MYO1E: variants seen among roughly 807,000 people sequenced by gnomAD.
The protein encoded by MYO1E is myosin IE, also known as unconventional myosin-Ie.
In MYO1E, 68 loss-of-function variants were observed where a neutral mutation model predicts 151.1. The observed-to-expected ratio is 0.45, with a 90% confidence interval of 0.37 to 0.55. MYO1E has a LOEUF of 0.55. Ranked by LOEUF, MYO1E falls within the 20% of genes least tolerant of loss-of-function variation. The pLI, the probability that MYO1E is intolerant of heterozygous loss-of-function variation, is 0.00. For missense variants in MYO1E, 1,363 were observed against 1,389.3 expected (o/e 0.98, Z 0.30); for synonymous variants, 601 against 501.7 (o/e 1.20, Z -2.64).
Position 59,188,152 on chromosome 15 carries a change from C to G in MYO1E, c.1870G>C (p.Ala624Pro). The change falls in exon 18 of 28, where the codon GCC becomes CCC. Residue 624 changes from alanine to proline, a missense_variant. Ala to Pro is a conservative substitution (Grantham distance 27). Coordinates refer to ENST00000288235, the MANE Select transcript of MYO1E (RefSeq NM_004998.4). Reference sequence around the variant, plus strand: ...AATTTTTGGAAGATGCGCCGATAGGCATAGCCAGCTCTTCTCACTCGAATG... The same window carrying G: ...AATTTTTGGAAGATGCGCCGATAGGGATAGCCAGCTCTTCTCACTCGAATG... ...ENIRVRRAGYAYRRIFQKFLQ... is the reference protein window; with the variant it reads ...ENIRVRRAGYPYRRIFQKFLQ... 6.2e-7 allele frequency: 1 copy of G among 1,614,150 alleles called. No individual in the cohort carries two copies. Among genetic ancestry groups the G allele is most frequent in the Non-Finnish European group, 8.5e-7 (1 of 1,180,024 alleles).
At chr15:59,254,689 CA>C in intron 4 of MYO1E, among the ~76,000 whole-genome samples, 1 of 150,898 alleles carries the variant, frequency 6.6e-6, no homozygotes, top group African/African-American at 2.4e-5. Context: ...TTTTTTTTCC[CA>C]AAAATGTCTC....
Position 59,200,437 on chromosome 15 carries a change from A to G in MYO1E, c.1698+1889T>C, listed in dbSNP as rs150870527. Among the ~76,000 whole-genome samples, 111 of 152,262 alleles carry G rather than the reference A, an allele frequency of 7.3e-4. 1 individual carries two copies. Among genetic ancestry groups the G allele is most frequent in the African/African-American group, 2.6e-3 (107 of 41,556 alleles). Reference sequence around the variant, plus strand: ...ACCCAGGGACTGTCCTGAGGCTACTAAATGTCTCTAGTTCTTTCAACATGA... The same window carrying G: ...ACCCAGGGACTGTCCTGAGGCTACTGAATGTCTCTAGTTCTTTCAACATGA... On this transcript the variant is annotated intron_variant, in intron 16 of 27. Coordinates refer to ENST00000288235, the MANE Select transcript of MYO1E (RefSeq NM_004998.4).
chr15:59,284,293 A>C (rs2080374359), intron 1 of MYO1E, among the ~76,000 whole-genome samples: 1 of 152,236 alleles, frequency 6.6e-6, no homozygotes, highest in South Asian at 2.1e-4. Context: ...GTCTGCTCCA[A>C]GGAAGAAATA....
Position 59,207,788 on chromosome 15 carries a change from T to A in MYO1E, c.1530+893A>T, listed in dbSNP as rs761105128. The stretch of plus-strand genomic sequence containing the variant: ...CAATGGAAAAATGTCCACAAAGAAG[T>A]GACTGCAACTGCCTATGAGATTATT... On this transcript the variant is annotated intron_variant, in intron 14 of 27. Coordinates refer to ENST00000288235, the MANE Select transcript of MYO1E (RefSeq NM_004998.4). 14 of 1,614,066 alleles carry A rather than the reference T, an allele frequency of 8.7e-6. No homozygotes were observed. The highest frequency in any genetic ancestry group is 1.2e-5 in the Non-Finnish European group (14 of 1,180,038).
intron 1 of MYO1E, among the ~76,000 whole-genome samples, chr15:59,322,979 G>A (rs1267969750): frequency 2.0e-5 from 3 of 149,090 alleles, no homozygotes; most frequent in Non-Finnish European, 3.0e-5. Context: ...GGCTAACACG[G>A]TGAAACTCCG....
chr15:59,273,957 G>C (rs1314644308), intron 1 of MYO1E, among the ~76,000 whole-genome samples: 3 of 151,900 alleles, frequency 2.0e-5, no homozygotes, highest in African/African-American at 7.2e-5. Context: ...ATCAAAACTA[G>C]GATGAAAAAA....
At chr15:59,213,317 C>G (rs1423009088) in intron 12 of MYO1E, among the ~76,000 whole-genome samples, 2 of 151,900 alleles carry the variant, frequency 1.3e-5, no homozygotes, top group Non-Finnish European at 2.9e-5. Context: ...TCTACAGGCA[C>G]ACACCATCAC....
chr15:59,214,084 T>C, intron 12 of MYO1E, 144 bp downstream of exon 12: 1 of 654,944 alleles, frequency 1.5e-6, no homozygotes, highest in African/African-American at 1.8e-5. Flanking sequence ...CACAATGGCA[T>C]ATGGTTTTTC....
intron 9 of MYO1E, among the ~76,000 whole-genome samples, chr15:59,222,590 G>C (rs1173097731): frequency 6.6e-6 from 1 of 152,142 alleles, no homozygotes; most frequent in Non-Finnish European, 1.5e-5. Context: ...CCAATCCATG[G>C]AACAAACTGT....
At chr15:59,370,411 T>A (rs2080938002) in intron 1 of MYO1E, among the ~76,000 whole-genome samples, 1 of 152,286 alleles carries the variant, frequency 6.6e-6, no homozygotes, top group Admixed American at 6.5e-5. Flanking sequence ...CAAATCACTC[T>A]GGATCCAGTA....
chr15:59,226,715 G>T (rs2079993846), intron 7 of MYO1E, among the ~76,000 whole-genome samples: 1 of 152,182 alleles, frequency 6.6e-6, no homozygotes, highest in Admixed American at 6.5e-5. Context: ...GGTGAGGCAG[G>T]GGGATCATTT....
intron 16 of MYO1E, 23 bp downstream of exon 16, chr15:59,202,303 A>G: frequency 1.2e-6 from 2 of 1,604,338 alleles, no homozygotes; most frequent in East Asian, 2.2e-5. Flanking sequence ...AAGAATCTAT[A>G]AACTTCCTAA....
intron 1 of MYO1E, among the ~76,000 whole-genome samples, chr15:59,339,030 G>A (rs2080747359): frequency 6.6e-6 from 1 of 152,196 alleles, no homozygotes; most frequent in South Asian, 2.1e-4. Context: ...TACTGGGGAG[G>A]CTGAGGCATG....
intron 9 of MYO1E, 144 bp from the exon 10 acceptor site, chr15:59,218,231 T>A: frequency 1.1e-6 from 1 of 900,156 alleles, no homozygotes; most frequent in Non-Finnish European, 1.8e-6. Context: ...GCTTACGTTC[T>A]AGTGAAGGCT....
Position 59,263,937 on chromosome 15 carries a change from C to T in MYO1E, c.148-2428G>A, listed in dbSNP as rs73424956. Among the ~76,000 whole-genome samples the T allele has an allele frequency of 3.5e-3, 536 of 152,192 alleles. 6 individuals are homozygous for T. The highest frequency in any genetic ancestry group is 0.01 in the Middle Eastern group (3 of 294). On this transcript the variant is annotated intron_variant, in intron 2 of 27. Transcript: ENST00000288235. ...TGTTAAAATTATCAAGCAGGTAAGA[C>T]GTCCATGATGCCGTAGCCAAGACTC... is the stretch of plus-strand genomic sequence containing the variant.
chr15:59,266,800 T>TAC (rs1294729250), intron 2 of MYO1E: 2 of 151,242 alleles, frequency 1.3e-5, no homozygotes, highest in Non-Finnish European at 2.9e-5. Context: ...TAGCTGGGAC[T>TAC]ACAGGCACCC....
At chr15:59,372,018 G>A (rs2080948470) in intron 1 of MYO1E, among the ~76,000 whole-genome samples, 1 of 149,986 alleles carries the variant, frequency 6.7e-6, no homozygotes, top group Admixed American at 6.6e-5. Context: ...CCGGGCAGCG[G>A]AGCGGCGGCG....
At position 59,153,583 on chromosome 15, in the gene MYO1E, A is replaced by C; in HGVS notation, c.3080+7T>G. 6.2e-7 allele frequency: 1 copy of C among 1,613,840 alleles called. No homozygotes were observed. The highest frequency in any genetic ancestry group is 8.5e-7 in the Non-Finnish European group (1 of 1,179,922). On this transcript the variant is annotated splice_region_variant and intron_variant, in intron 26 of 27. Coordinates refer to ENST00000288235, the MANE Select transcript of MYO1E (RefSeq NM_004998.4). ...CCGGCTTCATCCAGAGGATGTGAGAATCTTACCCTGCAGCTCCCTGGTCCG... is the reference window on the plus strand; with the variant it reads ...CCGGCTTCATCCAGAGGATGTGAGACTCTTACCCTGCAGCTCCCTGGTCCG...
Position 59,195,460 on chromosome 15 carries a change from C to T in MYO1E, c.1805+1G>A. 2 of 1,611,772 alleles carry T rather than the reference C, an allele frequency of 1.2e-6. No homozygotes were observed. The highest frequency in any genetic ancestry group is 1.1e-5 in the South Asian group (1 of 91,024). ...CCACCTAAGCCGGTTTCCCCCGATA[C>T]CTGCTTTCCTCCCAGTCTCTGGGCT... is the stretch of plus-strand genomic sequence containing the variant. On this transcript the variant is annotated splice_donor_variant, in intron 17 of 27. Coordinates refer to ENST00000288235, the MANE Select transcript of MYO1E (RefSeq NM_004998.4). LOFTEE classifies it high-confidence loss of function.
Sources: gnomAD v4.1 joint callset for allele counts (sites outside exome capture counted in the v4.1 genomes callset) on GRCh38, gnomAD v4.1.1 for gene constraint, MANE v1.5 for transcripts, NCBI Gene and HGNC (gene_info 2026-07-23, HGNC 2026-07-21) for gene names.